Variants in PLXDC2 observed in about 807,000 individuals in gnomAD.
The protein encoded by PLXDC2 is plexin domain containing 2, also known as plexin domain-containing protein 2.
In PLXDC2, 40 loss-of-function variants were observed where a neutral mutation model predicts 68.9. That is an observed-to-expected ratio of 0.58 (90% CI 0.45 to 0.76). The LOEUF (loss-of-function observed/expected upper bound fraction) is 0.76. Among genes scored for constraint, PLXDC2 ranks in the 30% least tolerant of loss-of-function variants. The pLI is 0.00. For synonymous variants in PLXDC2, 243 were observed against 234.2 expected (o/e 1.04, Z -0.34); for missense variants, 644 against 661.9 (o/e 0.97, Z 0.30).
chr10:20,009,746 C>T (rs549428697), intron 2 of PLXDC2, among the ~76,000 whole-genome samples: 12 of 148,874 alleles, frequency 8.1e-5, no homozygotes, highest in East Asian at 2.0e-4. Context: ...TACTAGATAG[C>T]GTGTTTTACA....
intron 6 of PLXDC2, among the ~76,000 whole-genome samples, chr10:20,163,136 TATC>T (rs1834328808): frequency 6.6e-6 from 1 of 152,140 alleles, no homozygotes; most frequent in Non-Finnish European, 1.5e-5. Context: ...GTGTTTCTGT[TATC>T]CAAATACCAG....
intron 13 of PLXDC2, among the ~76,000 whole-genome samples, chr10:20,261,798 GA>G (rs1273219532): frequency 6.6e-6 from 1 of 152,162 alleles, no homozygotes; most frequent in Non-Finnish European, 1.5e-5. Context: ...AGGTTGCGGT[GA>G]GCCAAGATCG....
intron 9 of PLXDC2, among the ~76,000 whole-genome samples, chr10:20,208,451 GT>G (rs1835022698): frequency 6.6e-6 from 1 of 152,174 alleles, no homozygotes; most frequent in East Asian, 1.9e-4. Flanking sequence ...CTCCCACTGG[GT>G]CCCTCCCACA....
At chr10:20,278,255 C>T (rs893233939) in intron 13 of PLXDC2, among the ~76,000 whole-genome samples, 7 of 152,086 alleles carry the variant, frequency 4.6e-5, no homozygotes, top group Non-Finnish European at 1.0e-4. Context: ...TGCTGCTTGC[C>T]CAGGGAAGCT....
chr10:20,223,249 G>A (rs1835239242), intron 12 of PLXDC2, among the ~76,000 whole-genome samples: 1 of 151,810 alleles, frequency 6.6e-6, no homozygotes, highest in Non-Finnish European at 1.5e-5. Flanking sequence ...AATCTATTTA[G>A]CCTTGATGCA....
rs7922983 is a variant in PLXDC2 at position 19,961,390 on chromosome 10, A to G, written c.113-40385A>G. Among the ~76,000 whole-genome samples, 1,396 of 152,342 alleles carry G rather than the reference A, an allele frequency of 9.2e-3. 27 individuals carry two copies. The highest frequency in any genetic ancestry group is 0.032 in the African/African-American group (1,326 of 41,580). On this transcript the variant is annotated intron_variant, in intron 1 of 13. Coordinates refer to ENST00000377252, the MANE Select transcript of PLXDC2 (RefSeq NM_032812.9). ...AGCACATCTGAGTATGTGTAACTTG[A>G]AAACCTTTTGTTCCTAGCATTCTAC... is the stretch of plus-strand genomic sequence containing the variant.
In PLXDC2 at chr10:19,824,454, A is replaced by G. The variant is rs117076655; in HGVS notation, c.112+7263A>G. ...ATCGCCATAATACATAAGGTTGTGTATCACTAAGTTGCTTTCCACTTTCTC... is the reference window on the plus strand; with the variant it reads ...ATCGCCATAATACATAAGGTTGTGTGTCACTAAGTTGCTTTCCACTTTCTC... On this transcript the variant is annotated intron_variant, in intron 1 of 13. Coordinates refer to ENST00000377252, the MANE Select transcript of PLXDC2 (RefSeq NM_032812.9). Among the ~76,000 whole-genome samples, 377 of 152,350 alleles carry G rather than the reference A, an allele frequency of 2.5e-3. 10 individuals are homozygous for G. The East Asian group carries it at 0.054, about 22-fold the overall frequency.
intron 7 of PLXDC2, among the ~76,000 whole-genome samples, chr10:20,174,260 A>G (rs1834488009): frequency 1.3e-5 from 2 of 152,060 alleles, no homozygotes; most frequent in South Asian, 4.1e-4. Context: ...AATGAATACT[A>G]TTTAGACACA....
At chr10:20,158,815 C>T (rs763425707) in intron 6 of PLXDC2, among the ~76,000 whole-genome samples, 5 of 152,160 alleles carry the variant, frequency 3.3e-5, no homozygotes, top group South Asian at 2.1e-4. Context: ...TGTGGAGAGG[C>T]AGACATGTTC....
chr10:19,967,660 C>T (rs1167167420), intron 1 of PLXDC2, among the ~76,000 whole-genome samples: 1 of 152,114 alleles, frequency 6.6e-6, no homozygotes, highest in African/African-American at 2.4e-5. Flanking sequence ...TACAAATGAG[C>T]GATGTTACAG....
chr10:19,993,542 C>T (rs1834787689), intron 1 of PLXDC2, among the ~76,000 whole-genome samples: 2 of 152,146 alleles, frequency 1.3e-5, no homozygotes, highest in African/African-American at 2.4e-5. Flanking sequence ...GCTTCAGCCT[C>T]CTGAGTAGCT....
chr10:20,154,297 G>C (rs941045785), intron 6 of PLXDC2, among the ~76,000 whole-genome samples: 1 of 152,290 alleles, frequency 6.6e-6, no homozygotes, highest in African/African-American at 2.4e-5. Context: ...GGGTACGGTG[G>C]CTCACGCCTG....
At chr10:19,993,678 C>T (rs1400227258) in intron 1 of PLXDC2, among the ~76,000 whole-genome samples, 1 of 152,182 alleles carries the variant, frequency 6.6e-6, no homozygotes, top group Non-Finnish European at 1.5e-5. Flanking sequence ...CCTTGGCCTC[C>T]CAAAGTGCTG....
intron 1 of PLXDC2, among the ~76,000 whole-genome samples, chr10:19,840,187 T>G (rs541111518): frequency 1.3e-5 from 2 of 152,252 alleles, no homozygotes; most frequent in African/African-American, 4.8e-5. Flanking sequence ...TATATAGTTG[T>G]GAAATGCTAT....
At chr10:20,031,171 C>A (rs1329739682) in intron 2 of PLXDC2, among the ~76,000 whole-genome samples, 1 of 152,040 alleles carries the variant, frequency 6.6e-6, no homozygotes, top group Non-Finnish European at 1.5e-5. Context: ...GGTTCAAGAC[C>A]AGCCTGGGCA....
intron 3 of PLXDC2, among the ~76,000 whole-genome samples, chr10:20,064,432 G>C (rs985560776): frequency 6.6e-6 from 1 of 152,000 alleles, no homozygotes; most frequent in Non-Finnish European, 1.5e-5. Flanking sequence ...GTGTTAGCCA[G>C]GATGGTCTCG....
chr10:20,081,618 C>T (rs939959882), intron 4 of PLXDC2, among the ~76,000 whole-genome samples: 1 of 152,068 alleles, frequency 6.6e-6, no homozygotes, highest in Non-Finnish European at 1.5e-5. Context: ...TGGAAAATCA[C>T]CAAAAAACCA....
intron 3 of PLXDC2, among the ~76,000 whole-genome samples, chr10:20,052,722 C>CAAAAAAAAAAAAAAAAAAAGAAAA (rs1835926099): frequency 1.1e-5 from 1 of 92,816 alleles, no homozygotes; most frequent in African/African-American, 3.8e-5. Context: ...ACAAATTATG[C>CAAAAAAAAAAAAAAAAAAAGAAAA]AAAAAAAAAA....
chr10:19,912,347 G>C (rs1376232294), intron 1 of PLXDC2, among the ~76,000 whole-genome samples: 1 of 152,124 alleles, frequency 6.6e-6, no homozygotes, highest in Non-Finnish European at 1.5e-5. Flanking sequence ...GAATCAATCT[G>C]AGCTTTCCCA....
Sources: allele counts gnomAD v4.1 joint callset (sites outside exome capture counted in the v4.1 genomes callset), GRCh38; gene constraint gnomAD v4.1.1; transcripts MANE v1.5; gene names NCBI Gene and HGNC (gene_info 2026-07-23, HGNC 2026-07-21).